Variants in C1orf159 observed in about 807,000 individuals in gnomAD.
C1orf159 encodes chromosome 1 open reading frame 159.
A neutral mutation model predicts 25.6 loss-of-function variants in C1orf159; 19 were observed. The ratio of observed to expected loss-of-function variants is 0.74; its 90% CI spans 0.52 to 1.09. The LOEUF is 1.09. C1orf159 is among the 50% of genes least tolerant of loss of function. The pLI is 0.00. For missense variants in C1orf159, 274 were observed against 290.6 expected (o/e 0.94, Z 0.42); for synonymous variants, 139 against 124.7 (o/e 1.12, Z -0.77).
At chr1:1,091,202 G>A (rs774665729) in intron 3 of C1orf159, 1 of 615,508 alleles carries the variant, frequency 1.6e-6, no homozygotes, top group South Asian at 2.0e-5. Flanking sequence ...CGCTGGCAGA[G>A]GTGCTCCCAT....
intron 1 of C1orf159, among the ~76,000 whole-genome samples, chr1:1,100,767 G>A (rs1646089918): frequency 6.6e-6 from 1 of 151,868 alleles, no homozygotes; most frequent in Non-Finnish European, 1.5e-5. Flanking sequence ...TATTCTCATA[G>A]TTGTTGCTCT....
chr1:1,086,299 C>T (rs1264557389), intron 6 of C1orf159, among the ~76,000 whole-genome samples: 2 of 152,248 alleles, frequency 1.3e-5, no homozygotes, highest in African/African-American at 2.4e-5. Flanking sequence ...TGACCCTGGC[C>T]GGGCTCTGCG....
chr1:1,111,883 C>T (rs1646261393), intron 1 of C1orf159, among the ~76,000 whole-genome samples: 1 of 152,260 alleles, frequency 6.6e-6, no homozygotes, highest in African/African-American at 2.4e-5. Context: ...TAAGAACTGT[C>T]TGGGGCCTCT....
intron 4 of C1orf159, among the ~76,000 whole-genome samples, chr1:1,088,274 C>T (rs1467081027): frequency 1.0e-5 from 1 of 98,496 alleles, no homozygotes; most frequent in Non-Finnish European, 2.2e-5. Flanking sequence ...CGGGACCTCC[C>T]CACGCCTCCC....
Position 1,084,487 on chromosome 1 carries a change from G to A in C1orf159, c.465C>T (p.Gly155=), listed in dbSNP as rs781432876. The A allele has an allele frequency of 2.9e-5, 45 of 1,557,934 alleles. No individual in the cohort carries two copies. Among genetic ancestry groups the A allele is most frequent in the South Asian group, 1.7e-4 (14 of 84,644 alleles). Residue 155 remains glycine (G), a synonymous_variant, in exon 8 of 10, where the codon GGC becomes GGT. Coordinates refer to ENST00000421241, the MANE Select transcript of C1orf159 (RefSeq NM_017891.5). The part of the protein sequence containing the change: ...RRNKAPALQP[G]EAAAMIPPPQ... Reference sequence around the variant, plus strand: ...GATGATGTGGGTTACTTACGGCTTCGCCAGGCTGCAGGGCCGGAGCTGTGG... The same window carrying A: ...GATGATGTGGGTTACTTACGGCTTCACCAGGCTGCAGGGCCGGAGCTGTGG...
At chr1:1,105,048 T>G (rs1646152507) in intron 1 of C1orf159, among the ~76,000 whole-genome samples, 1 of 152,196 alleles carries the variant, frequency 6.6e-6, no homozygotes, top group African/African-American at 2.4e-5. Context: ...CGCCCCACTT[T>G]AAATATGAGG....
intron 6 of C1orf159, among the ~76,000 whole-genome samples, chr1:1,086,658 A>G (rs1393910603): frequency 6.6e-6 from 1 of 152,132 alleles, no homozygotes; most frequent in African/African-American, 2.4e-5. Context: ...GGCCAACCCC[A>G]CCCTAAAACA....
intron 1 of C1orf159, among the ~76,000 whole-genome samples, chr1:1,112,271 T>C (rs1164208402): frequency 6.6e-6 from 1 of 152,256 alleles, no homozygotes; most frequent in East Asian, 1.9e-4. Flanking sequence ...CTCAAGCGTG[T>C]GCACTGAGAG....
At chr1:1,100,439 G>C (rs12035282) in intron 1 of C1orf159, among the ~76,000 whole-genome samples, 1 of 152,116 alleles carries the variant, frequency 6.6e-6, no homozygotes, top group African/African-American at 2.4e-5. Context: ...TGCCCACCCA[G>C]GCACAGCCTT....
At chr1:1,083,781 A>T in intron 9 of C1orf159, 1 of 804,336 alleles carries the variant, frequency 1.2e-6, no homozygotes, top group Non-Finnish European at 2.0e-6. Context: ...AGGCACGGTC[A>T]CCTGCCCCCA....
intron 3 of C1orf159, chr1:1,090,888 G>C: frequency 6.5e-7 from 1 of 1,550,178 alleles, no homozygotes; most frequent in Non-Finnish European, 8.7e-7. Flanking sequence ...TGTGTGTGAG[G>C]GCCCATTCCC....
In C1orf159 at chr1:1,084,529, T is replaced by C. The variant is rs770680065; in HGVS notation, c.446-23A>G. On this transcript the variant is annotated intron_variant, in intron 7 of 9. Coordinates refer to ENST00000421241, the MANE Select transcript of C1orf159 (RefSeq NM_017891.5). ...GAGCTGTGGGGGAGAAAGCGGAGAG[T>C]CACCCTGGAGCCCAGGAGCTGCCTC... 2.1e-5 allele frequency: 33 copies of C among 1,549,954 alleles called. No individual in the cohort carries two copies. In the African/African-American group the frequency reaches 4.4e-4, roughly 21 times the overall value.
intron 1 of C1orf159, among the ~76,000 whole-genome samples, chr1:1,112,446 A>G (rs1371515190): frequency 2.0e-5 from 3 of 149,952 alleles, no homozygotes; most frequent in South Asian, 4.3e-4. Flanking sequence ...GTGAACACAC[A>G]GCGCATGCTC....
chr1:1,097,772 A>G (rs1472247212), intron 1 of C1orf159, among the ~76,000 whole-genome samples: 1 of 151,898 alleles, frequency 6.6e-6, no homozygotes, highest in Non-Finnish European at 1.5e-5. Flanking sequence ...AGGTTTGTCA[A>G]TCTTTCCAAT....
chr1:1,111,546 A>G (rs1646256776), intron 1 of C1orf159, among the ~76,000 whole-genome samples: 1 of 152,124 alleles, frequency 6.6e-6, no homozygotes, highest in Non-Finnish European at 1.5e-5. Flanking sequence ...CAACAACAAC[A>G]AAGAACTGGT....
At chr1:1,085,618 G>A (rs756118704) in intron 7 of C1orf159, among the ~76,000 whole-genome samples, 25 of 152,338 alleles carry the variant, frequency 1.6e-4, no homozygotes, top group East Asian at 9.7e-4. Context: ...CGCCTCTGCC[G>A]GAAGAGGGCT....
chr1:1,096,099 G>A (rs150924652), intron 1 of C1orf159, among the ~76,000 whole-genome samples: 1 of 152,264 alleles, frequency 6.6e-6, no homozygotes, highest in African/African-American at 2.4e-5. Context: ...TTTTGCCTGT[G>A]TTCATGAAGG....
At position 1,084,510 on chromosome 1, in the gene C1orf159, T is replaced by G; in HGVS notation, c.446-4A>C. On this transcript the variant is annotated splice_region_variant and splice_polypyrimidine_tract_variant and intron_variant, in intron 7 of 9. Coordinates refer to ENST00000421241, the MANE Select transcript of C1orf159 (RefSeq NM_017891.5). ...TCGCCAGGCTGCAGGGCCGGAGCTG[T>G]GGGGGAGAAAGCGGAGAGTCACCCT... 1 of 1,553,254 alleles carries G rather than the reference T, an allele frequency of 6.4e-7. No individual in the cohort carries two copies. Among genetic ancestry groups the G allele is most frequent in the Non-Finnish European group, 8.7e-7 (1 of 1,148,718 alleles).
Position 1,108,660 on chromosome 1 carries a change from G to A in C1orf159, c.-136+7400C>T, listed in dbSNP as rs71628935. 5.4e-3 allele frequency among the ~76,000 whole-genome samples: 279 copies of A among 51,396 alleles called. 2 individuals carry two copies. Among genetic ancestry groups the A allele is most frequent in the African/African-American group, 0.019 (132 of 6,830 alleles). The allele number at this position is 51,396 out of a possible 152,430, so 33.7% of individuals were successfully genotyped here. A position where few individuals can be genotyped will look rare whatever the true frequency, so the allele number is the denominator to read the frequency against. Reference sequence around the variant, plus strand: ...CCGTCCACCACAGCCACCATGTCTCGGCAGCACCGTTCACCACAGCCACCA... The same window carrying A: ...CCGTCCACCACAGCCACCATGTCTCAGCAGCACCGTTCACCACAGCCACCA... On this transcript the variant is annotated intron_variant, in intron 1 of 9. Transcript: ENST00000421241.
Sources: allele counts gnomAD v4.1 joint callset (sites outside exome capture counted in the v4.1 genomes callset), GRCh38; gene constraint gnomAD v4.1.1; transcripts MANE v1.5; gene names NCBI Gene and HGNC (gene_info 2026-07-23, HGNC 2026-07-21).